The following TBC1D15 variants were observed in gnomAD, a reference collection of about 807,000 sequenced individuals.
TBC1D15 encodes the protein TBC1 domain family member 15, also known as GAP for RAB7.
A neutral mutation model predicts 95.4 loss-of-function variants in TBC1D15; 39 were observed. The ratio of observed to expected loss-of-function variants is 0.41; its 90% CI spans 0.32 to 0.53. TBC1D15 has a LOEUF of 0.53. TBC1D15 is among the 20% of genes least tolerant of loss of function. TBC1D15 has a pLI of 0.29. For missense variants in TBC1D15, 733 were observed against 794.3 expected (o/e 0.92, Z 0.93); for synonymous variants, 258 against 261.3 (o/e 0.99, Z 0.12).
chr12:71,845,713 T>C (rs1163409195), intron 1 of TBC1D15, among the ~76,000 whole-genome samples: 1 of 152,204 alleles, frequency 6.6e-6, no homozygotes, highest in Non-Finnish European at 1.5e-5. Flanking sequence ...TTTTGGTTGT[T>C]ATATTAGCCT....
chr12:71,884,951 G>A lies in TBC1D15; in HGVS notation c.484G>A (p.Ala162Thr). The part of the protein sequence containing the change: ...FCLKDDVVLP[A>T]LHFHQGDSKL... ...TCTAAAGGATGACGTCGTTCTCCCT[G>A]CTCTACACTTTCATCAAGGAGATAG... is the stretch of plus-strand genomic sequence containing the variant. The change falls in exon 5 of 17, where the codon GCT (alanine) becomes ACT (threonine). Residue 162 changes from alanine (A) to threonine (T), a missense_variant. By Grantham distance (58) the Ala-to-Thr change is moderately conservative (BLOSUM62 0). Coordinates refer to ENST00000485960, the MANE Select transcript of TBC1D15 (RefSeq NM_001146213.3). 1 of 1,614,014 alleles carries A rather than the reference G, an allele frequency of 6.2e-7. No individual in the cohort carries two copies. The highest frequency in any genetic ancestry group is 1.1e-5 in the South Asian group (1 of 91,078).
At chr12:71,876,668 T>C (rs1025176306) in intron 3 of TBC1D15, among the ~76,000 whole-genome samples, 1 of 152,146 alleles carries the variant, frequency 6.6e-6, no homozygotes, top group Admixed American at 6.5e-5. Flanking sequence ...AAAGAGTGCA[T>C]GGGAACAAAA....
intron 11 of TBC1D15, among the ~76,000 whole-genome samples, chr12:71,908,998 G>C (rs1901511066): frequency 6.6e-6 from 1 of 152,174 alleles, no homozygotes; most frequent in Non-Finnish European, 1.5e-5. Context: ...CTTGGGAACA[G>C]AAGGCATTGC....
intron 1 of TBC1D15, among the ~76,000 whole-genome samples, chr12:71,866,560 G>T (rs1891547429): frequency 6.6e-6 from 1 of 152,156 alleles, no homozygotes; most frequent in Admixed American, 6.5e-5. Context: ...CTGAGTTTCT[G>T]TGTGCTCACA....
chr12:71,913,183 T>C (rs1387416952), intron 11 of TBC1D15, among the ~76,000 whole-genome samples: 3 of 151,986 alleles, frequency 2.0e-5, no homozygotes, highest in African/African-American at 7.2e-5. Context: ...GCCCAGTTGC[T>C]GGCATTGGTT....
At chr12:71,873,290 C>T (rs994578465) in intron 3 of TBC1D15, among the ~76,000 whole-genome samples, 1 of 152,066 alleles carries the variant, frequency 6.6e-6, no homozygotes, top group African/African-American at 2.4e-5. Flanking sequence ...CTAGACATTT[C>T]GTATAAATGG....
rs973478940 is a variant in TBC1D15, at chr12:71,924,263, T to C, written c.*1059T>C. 1 of 152,668 alleles carries C rather than the reference T, an allele frequency of 6.6e-6. No individual in the cohort carries two copies. The highest frequency in any genetic ancestry group is 2.1e-4 in the South Asian group (1 of 4,830). The allele number at this position is 152,668 out of a possible 1,614,324, so 9.5% of individuals were successfully genotyped here. On this transcript the variant is annotated 3_prime_UTR_variant, in exon 17 of 17. Coordinates refer to ENST00000485960, the MANE Select transcript of TBC1D15 (RefSeq NM_001146213.3). ...ATTAACATAACTGATTTTGTTTTAA[T>C]TGTAAGTTGTTAACTCCTGTATATA...
intron 3 of TBC1D15, among the ~76,000 whole-genome samples, chr12:71,874,621 A>ATTTTTTT (rs57095362): frequency 8.2e-6 from 1 of 122,314 alleles, no homozygotes; most frequent in Non-Finnish European, 1.7e-5. Context: ...TATATTTACT[A>ATTTTTTT]TTTTTTTTTT....
chr12:71,850,984 CAAAAAAAAAAA>C (rs1206992856), intron 1 of TBC1D15, among the ~76,000 whole-genome samples: 2 of 46,956 alleles, frequency 4.3e-5, no homozygotes, highest in Admixed American at 2.6e-4. Flanking sequence ...CACTCCATCT[CAAAAAAAAAAA>C]AAAAAAAAAA....
intron 1 of TBC1D15, among the ~76,000 whole-genome samples, chr12:71,862,103 T>C (rs538153133): frequency 1.3e-5 from 2 of 152,336 alleles, no homozygotes; most frequent in Admixed American, 6.5e-5. Context: ...TCTAACATGT[T>C]CTGTCCTAGG....
chr12:71,846,719 A>G (rs1382803471), intron 1 of TBC1D15, among the ~76,000 whole-genome samples: 1 of 150,186 alleles, frequency 6.7e-6, no homozygotes, highest in African/African-American at 2.4e-5. Flanking sequence ...ACTGTTTACA[A>G]CAATGGACTT....
At position 71,860,120 on chromosome 12, in the gene TBC1D15, T is replaced by A. The variant is rs190485120; in HGVS notation, c.31-11950T>A. Among the ~76,000 whole-genome samples the A allele has an allele frequency of 6.6e-5, 10 of 152,322 alleles. No individual in the cohort carries two copies. The East Asian group carries it at 1.9e-3, about 29-fold the overall frequency. On this transcript the variant is annotated intron_variant, in intron 1 of 16. Transcript: ENST00000485960. Reference sequence around the variant, plus strand: ...ATTCTCTTTAATTGGTCTGTGTATGTTTTTATGTCAGCCCCATGCTGTTTT... The same window carrying A: ...ATTCTCTTTAATTGGTCTGTGTATGATTTTATGTCAGCCCCATGCTGTTTT...
At chr12:71,847,725 A>G (rs1886693542) in intron 1 of TBC1D15, among the ~76,000 whole-genome samples, 1 of 151,926 alleles carries the variant, frequency 6.6e-6, no homozygotes, top group African/African-American at 2.4e-5. Context: ...TATTCATTGT[A>G]TGGGTATACC....
intron 9 of TBC1D15, among the ~76,000 whole-genome samples, 182 bp from the exon 10 acceptor site, chr12:71,897,664 AT>A (rs1233949775): frequency 2.0e-5 from 3 of 151,660 alleles, no homozygotes; most frequent in Non-Finnish European, 3.0e-5. Flanking sequence ...TTTATCGGTT[AT>A]TTTTTTCTTT....
chr12:71,848,668 A>AG (rs1325653525), intron 1 of TBC1D15, among the ~76,000 whole-genome samples: 3 of 152,142 alleles, frequency 2.0e-5, no homozygotes, highest in African/African-American at 7.2e-5. Context: ...CTTATATAAA[A>AG]GGGGGGCCAA....
chr12:71,850,802 C>G (rs1296807673), intron 1 of TBC1D15, among the ~76,000 whole-genome samples: 1 of 151,908 alleles, frequency 6.6e-6, no homozygotes, highest in African/African-American at 2.4e-5. Context: ...TCTTCGGCAA[C>G]ATGGTGAAAC....
At chr12:71,851,504 A>G (rs969663673) in intron 1 of TBC1D15, among the ~76,000 whole-genome samples, 1 of 152,222 alleles carries the variant, frequency 6.6e-6, no homozygotes, top group Non-Finnish European at 1.5e-5. Context: ...TCAGAAGTCC[A>G]AAGTCTCATC....
chr12:71,899,085 G>A (rs1018166846), intron 10 of TBC1D15, among the ~76,000 whole-genome samples: 1 of 152,012 alleles, frequency 6.6e-6, no homozygotes. Context: ...TAAAATATTC[G>A]AACTGGAAGG....
chr12:71,870,877 T>G (rs1892523051), intron 1 of TBC1D15, among the ~76,000 whole-genome samples: 1 of 152,190 alleles, frequency 6.6e-6, no homozygotes, highest in Admixed American at 6.5e-5. Context: ...CATACCTATT[T>G]ACATTTATGA....
Sources: allele counts gnomAD v4.1 joint callset (sites outside exome capture counted in the v4.1 genomes callset), GRCh38; gene constraint gnomAD v4.1.1; transcripts MANE v1.5; gene names NCBI Gene and HGNC (gene_info 2026-07-23, HGNC 2026-07-21).